Variants in WDCP observed in about 807,000 individuals in gnomAD.
The protein encoded by WDCP is WD repeat and coiled-coil-containing protein.
WDCP carries 19 observed loss-of-function variants against 41.6 expected under a neutral mutation model. That is an observed-to-expected ratio of 0.46 (90% CI 0.32 to 0.67). The LOEUF is 0.67. WDCP is among the 30% of genes least tolerant of loss of function. The pLI is 0.04. For missense variants in WDCP, 802 were observed against 850.7 expected, an observed-to-expected ratio of 0.94 and a Z score of 0.71; for synonymous variants, 302 against 320.8, an observed-to-expected ratio of 0.94 and a Z score of 0.63.
intron 2 of WDCP, among the ~76,000 whole-genome samples, chr2:24,034,721 G>A (rs1357864527): frequency 6.6e-6 from 1 of 151,836 alleles, no homozygotes; most frequent in Non-Finnish European, 1.5e-5. Context: ...AAACAGGTGG[G>A]TGCCATCACG....
At position 24,038,461 on chromosome 2, in the gene WDCP, A is replaced by C. The variant is rs1663323922; in HGVS notation, c.1034T>G (p.Ile345Arg). ...TIPGILVPDL[I>R]AFNLKAHVVA... ...TACGTGGGCTTTAAGATTAAATGCTATCAGATCAGGAACCAGAATGCCTGG... is the reference window on the plus strand; with the variant it reads ...TACGTGGGCTTTAAGATTAAATGCTCTCAGATCAGGAACCAGAATGCCTGG... The change falls in exon 2 of 4, where the codon ATA becomes AGA. Residue 345 changes from isoleucine to arginine, a missense_variant. Physicochemically the swap from Ile to Arg is moderately conservative, Grantham distance 97. Coordinates refer to ENST00000295148, the MANE Select transcript of WDCP (RefSeq NM_025203.3). 3 of 1,614,250 alleles carry C rather than the reference A, an allele frequency of 1.9e-6. No homozygotes were observed. The highest frequency in any genetic ancestry group is 1.7e-6 in the Non-Finnish European group (2 of 1,180,054).
intron 2 of WDCP, among the ~76,000 whole-genome samples, chr2:24,036,892 G>C (rs958863983): frequency 2.6e-5 from 4 of 152,242 alleles, no homozygotes; most frequent in Non-Finnish European, 5.9e-5. Context: ...GCGGATTAAG[G>C]GGAAGATGGG....
intron 3 of WDCP, among the ~76,000 whole-genome samples, chr2:24,031,363 A>C (rs902157594): frequency 6.6e-6 from 1 of 152,220 alleles, no homozygotes; most frequent in African/African-American, 2.4e-5. Context: ...AGGGGAAAAA[A>C]TGAAATGATA....
chr2:24,046,853 C>T (rs772992226), intron 1 of WDCP, among the ~76,000 whole-genome samples: 1 of 152,168 alleles, frequency 6.6e-6, no homozygotes, highest in Non-Finnish European at 1.5e-5. Context: ...AACTTTGTAT[C>T]ACGGTTTTCA....
At chr2:24,032,113 A>G (rs1223756844) in intron 3 of WDCP, among the ~76,000 whole-genome samples, 6 of 152,170 alleles carry the variant, frequency 3.9e-5, no homozygotes, top group Non-Finnish European at 8.8e-5. Context: ...GGCTTATGCC[A>G]GTAATCATAG....
At position 24,038,250 on chromosome 2, in the gene WDCP, A is replaced by C. The variant is rs1663317239; in HGVS notation, c.1245T>G (p.Pro415=). The C allele has an allele frequency of 1.9e-6, 3 of 1,614,152 alleles. No individual in the cohort carries two copies. The highest frequency in any genetic ancestry group is 2.5e-6 in the Non-Finnish European group (3 of 1,179,988). The stretch of plus-strand genomic sequence containing the variant: ...TGGCATACTGATCAGACTTTGAAGA[A>C]GGAAGAAATGTTGTATCAGTGAGTT... ...KQKLTDTTFL[P]SSKSDQYAIS... The change falls in exon 2 of 4, where the codon CCT becomes CCG. Residue 415 remains proline (P), a synonymous_variant. Coordinates refer to ENST00000295148, the MANE Select transcript of WDCP (RefSeq NM_025203.3).
At chr2:24,044,817 TAAAA>T (rs747340836) in intron 1 of WDCP, among the ~76,000 whole-genome samples, 4 of 103,928 alleles carry the variant, frequency 3.8e-5, no homozygotes, top group Admixed American at 1.1e-4. Flanking sequence ...GAATTATCTT[TAAAA>T]AAAAAAAAAA....
In WDCP at chr2:24,039,028, T is replaced by G; in HGVS notation, c.467A>C (p.Gln156Pro). 1 of 1,614,156 alleles carries G rather than the reference T, an allele frequency of 6.2e-7. No homozygotes were observed. The highest frequency in any genetic ancestry group is 1.1e-5 in the South Asian group (1 of 91,084). Residue 156 changes from glutamine (Q) to proline (P), a missense_variant, in exon 2 of 4, where the codon CAG becomes CCG. Transcript: ENST00000295148. ...CCAACATGCACAGTGAATGCGGCCCTGGGTGTTGATGTCTGCCTTTACCTG... is the reference window on the plus strand; with the variant it reads ...CCAACATGCACAGTGAATGCGGCCCGGGGTGTTGATGTCTGCCTTTACCTG... ...DSQVKADINT[Q>P]GRIHCACWTQ... is the part of the protein sequence containing the mutation.
intron 2 of WDCP, among the ~76,000 whole-genome samples, chr2:24,036,145 A>G (rs1478405886): frequency 6.6e-6 from 1 of 151,750 alleles, no homozygotes; most frequent in Non-Finnish European, 1.5e-5. Flanking sequence ...TGACTTAAAA[A>G]AAAAAATTAA....
chr2:24,041,092 A>T (rs1367311031), intron 1 of WDCP, among the ~76,000 whole-genome samples: 2 of 152,062 alleles, frequency 1.3e-5, no homozygotes, highest in African/African-American at 4.8e-5. Context: ...TAATCCCAGC[A>T]CTTTGGGAGG....
At chr2:24,036,714 A>G (rs1467100788) in intron 2 of WDCP, among the ~76,000 whole-genome samples, 1 of 152,232 alleles carries the variant, frequency 6.6e-6, no homozygotes, top group Non-Finnish European at 1.5e-5. Flanking sequence ...CTAAATAAAG[A>G]GCATACTCTC....
intron 2 of WDCP, 95 bp downstream of exon 2, chr2:24,037,578 CAGTT>C: frequency 7.7e-7 from 1 of 1,304,440 alleles, no homozygotes; most frequent in Non-Finnish European, 1.0e-6. Flanking sequence ...TAGTGAAGCT[CAGTT>C]AGAGCACCAT....
chr2:24,038,421 G>A lies in WDCP; in HGVS notation c.1074C>T (p.Ser358=). The A allele has an allele frequency of 6.2e-7, 1 of 1,614,106 alleles. No individual in the cohort carries two copies. The highest frequency in any genetic ancestry group is 8.5e-7 in the Non-Finnish European group (1 of 1,180,022). The change falls in exon 2 of 4, where the codon TCC becomes TCT. Residue 358 remains serine, a synonymous_variant. Transcript: ENST00000295148. ...AGATCAAAATTATATTACAAGTGTT[G>A]GAAGCCACTGCCACTACGTGGGCTT... ...NLKAHVVAVA[S]NTCNIILIYS... is the part of the protein sequence containing the mutation.
chr2:24,040,317 A>G (rs1663390348), intron 1 of WDCP, among the ~76,000 whole-genome samples: 1 of 152,250 alleles, frequency 6.6e-6, no homozygotes, highest in Non-Finnish European at 1.5e-5. Flanking sequence ...GTCTAGATTG[A>G]GGCTATGTTA....
In WDCP at chr2:24,039,381, A is replaced by G; in HGVS notation, c.114T>C (p.Asp38=). Residue 38 remains aspartate (D), a synonymous_variant, in exon 2 of 4, where the codon GAT becomes GAC. Transcript: ENST00000295148. ...TGACCTCTCCACTGTGAAGCCGCAAATCAGTTAGGACAACTTGATTCCCAT... is the reference window on the plus strand; with the variant it reads ...TGACCTCTCCACTGTGAAGCCGCAAGTCAGTTAGGACAACTTGATTCCCAT... ...WTDGNQVVLT[D]LRLHSGEVKF... The G allele has an allele frequency of 6.2e-7, 1 of 1,614,242 alleles. No individual in the cohort carries two copies. Among genetic ancestry groups the G allele is most frequent in the South Asian group, 1.1e-5 (1 of 91,090 alleles).
At chr2:24,044,999 G>A (rs1045876417) in intron 1 of WDCP, among the ~76,000 whole-genome samples, 2 of 152,016 alleles carry the variant, frequency 1.3e-5, no homozygotes, top group African/African-American at 2.4e-5. Context: ...TGATCATAAA[G>A]GGCATGCTGA....
chr2:24,042,769 A>G (rs1336873226), intron 1 of WDCP, among the ~76,000 whole-genome samples: 1 of 151,810 alleles, frequency 6.6e-6, no homozygotes, highest in Non-Finnish European at 1.5e-5. Context: ...GCGGCGGCTC[A>G]CGCCTGTAAT....
intron 1 of WDCP, among the ~76,000 whole-genome samples, chr2:24,046,458 G>A (rs1217910195): frequency 6.6e-6 from 1 of 152,162 alleles, no homozygotes; most frequent in East Asian, 1.9e-4. Flanking sequence ...TGTTTTAGGA[G>A]GGAAAAGACC....
rs970877499 is a variant in WDCP at position 24,043,736 on chromosome 2, C to T, written c.-19+3578G>A. Among the ~76,000 whole-genome samples, 5 of 152,302 alleles carry T rather than the reference C, an allele frequency of 3.3e-5. No individual in the cohort carries two copies. The East Asian group carries it at 9.6e-4, about 29-fold the overall frequency. On this transcript the variant is annotated intron_variant, in intron 1 of 3. Transcript: ENST00000295148. ...AATGACATTTTTCAGCCTTGTTTTA[C>T]TGAGTAAGTGTCAAAGGCAGAACTT...
Sources: allele counts gnomAD v4.1 joint callset (sites outside exome capture counted in the v4.1 genomes callset), GRCh38; gene constraint gnomAD v4.1.1; transcripts MANE v1.5; gene names NCBI Gene and HGNC (gene_info 2026-07-23, HGNC 2026-07-21).